CAMK1D: variants seen among roughly 807,000 people sequenced by gnomAD.
The protein encoded by CAMK1D is calcium/calmodulin-dependent protein kinase type 1D.
A neutral mutation model predicts 47.7 loss-of-function variants in CAMK1D; 9 were observed. The observed-to-expected ratio is 0.19, with a 90% confidence interval of 0.11 to 0.33. The LOEUF is 0.33. Among genes scored for constraint, CAMK1D ranks in the 10% least tolerant of loss-of-function variants. The pLI, the probability that CAMK1D is intolerant of heterozygous loss-of-function variation, is 1.00. For missense variants in CAMK1D, 291 were observed against 488.7 expected (o/e 0.60, Z 3.81); for synonymous variants, 184 against 184.9 (o/e 0.99, Z 0.04).
At chr10:12,782,025 T>G (rs765132160) in intron 5 of CAMK1D, among the ~76,000 whole-genome samples, 1 of 151,202 alleles carries the variant, frequency 6.6e-6, no homozygotes, top group Non-Finnish European at 1.5e-5. Flanking sequence ...GGCAATTCAT[T>G]CCTCATGAAT....
rs74455406 is a variant in CAMK1D at position 12,503,063 on chromosome 10, C to T, written c.93-50162C>T. On this transcript the variant is annotated intron_variant, in intron 1 of 10. Transcript: ENST00000619168. The stretch of plus-strand genomic sequence containing the variant: ...GTGCATGTGTGTATACTTGTGTATA[C>T]GTGTATGTATATGTGCATACATGTG... Among the ~76,000 whole-genome samples the T allele has an allele frequency of 9.7e-3, 1,475 of 152,172 alleles. 28 individuals carry two copies. Among genetic ancestry groups the T allele is most frequent in the East Asian group, 0.034 (178 of 5,172 alleles).
At chr10:12,510,001 T>C (rs1179196408) in intron 1 of CAMK1D, among the ~76,000 whole-genome samples, 1 of 152,228 alleles carries the variant, frequency 6.6e-6, no homozygotes, top group Non-Finnish European at 1.5e-5. Flanking sequence ...TTACCTGCTT[T>C]TATTACTGTA....
chr10:12,558,261 A>G lies in CAMK1D; in HGVS notation c.224+4905A>G, dbSNP rs562349572. 2.0e-5 allele frequency among the ~76,000 whole-genome samples: 3 copies of G among 152,350 alleles called. No individual in the cohort carries two copies. In the South Asian group the frequency reaches 6.2e-4, roughly 32 times the overall value. ...TCGAGGGCAGGCACTGCTGACATCT[A>G]ATTTCAAAACTTGACCGGCACGGTG... On this transcript the variant is annotated intron_variant, in intron 2 of 10. Coordinates refer to ENST00000619168, the MANE Select transcript of CAMK1D (RefSeq NM_153498.4).
chr10:12,651,609 C>G lies in CAMK1D; in HGVS notation c.225-15127C>G, dbSNP rs1839967428. ...GAGAGACGGGATTTCACCGTGTTGT[C>G]CAGGCTGGTCTCAAACTCCTGGGTT... is the stretch of plus-strand genomic sequence containing the variant. On this transcript the variant is annotated intron_variant, in intron 2 of 10. Transcript: ENST00000619168. Among the ~76,000 whole-genome samples the G allele has an allele frequency of 1.3e-5, 2 of 151,726 alleles. 1 individual carries two copies. Among genetic ancestry groups the G allele is most frequent in the South Asian group, 4.2e-4 (2 of 4,814 alleles).
At chr10:12,748,401 C>T (rs991702221) in intron 3 of CAMK1D, among the ~76,000 whole-genome samples, 2 of 152,088 alleles carry the variant, frequency 1.3e-5, no homozygotes, top group African/African-American at 2.4e-5. Context: ...GGAGGGATGC[C>T]GAGGGTCTGG....
At chr10:12,597,136 C>G (rs76565249) in intron 2 of CAMK1D, among the ~76,000 whole-genome samples, 2,274 of 152,182 alleles carry the variant, frequency 0.015, 42 homozygotes, top group Middle Eastern at 0.054. Context: ...AAGCTTAGCA[C>G]TTCTTGCCTC....
At chr10:12,818,460 T>A (rs528974060) in intron 8 of CAMK1D, among the ~76,000 whole-genome samples, 2 of 152,158 alleles carry the variant, frequency 1.3e-5, no homozygotes, top group African/African-American at 4.8e-5. Flanking sequence ...CACTTGAGGT[T>A]AGGAGTTCGA....
intron 1 of CAMK1D, among the ~76,000 whole-genome samples, chr10:12,494,757 T>C (rs1834487298): frequency 6.6e-6 from 1 of 151,986 alleles, no homozygotes; most frequent in Non-Finnish European, 1.5e-5. Context: ...TTAGTAGAGA[T>C]GGGGTTTTTC....
At chr10:12,466,637 G>A (rs1214253381) in intron 1 of CAMK1D, among the ~76,000 whole-genome samples, 1 of 151,172 alleles carries the variant, frequency 6.6e-6, no homozygotes, top group African/African-American at 2.4e-5. Flanking sequence ...CCTAGGGGGA[G>A]GTGTTATTTG....
intron 5 of CAMK1D, among the ~76,000 whole-genome samples, chr10:12,785,762 C>A (rs1310210229): frequency 6.6e-6 from 1 of 152,152 alleles, no homozygotes; most frequent in Non-Finnish European, 1.5e-5. Flanking sequence ...GGAAAACTGG[C>A]GTCTGACAAG....
At position 12,828,993 on chromosome 10, in the gene CAMK1D, TC is replaced by T; in HGVS notation, c.*108del. 1.3e-6 allele frequency: 1 copy of T among 757,422 alleles called. No homozygotes were observed. The highest frequency in any genetic ancestry group is 2.7e-5 in the East Asian group (1 of 36,396). The allele number at this position is 757,422 out of a possible 1,614,324, so 46.9% of individuals were successfully genotyped here. On this transcript the variant is annotated 3_prime_UTR_variant, in exon 11 of 11. Transcript: ENST00000619168. ...AGACCCCACCTTGCATGGTGCCCCT[TC>T]CTGCATAGGACTGGAAGACCGAAGT...
At chr10:12,614,536 CAG>C (rs1178744245) in intron 2 of CAMK1D, among the ~76,000 whole-genome samples, 1 of 152,204 alleles carries the variant, frequency 6.6e-6, no homozygotes, top group Non-Finnish European at 1.5e-5. Flanking sequence ...GTTGAATACA[CAG>C]AAATATGTGC....
intron 1 of CAMK1D, among the ~76,000 whole-genome samples, chr10:12,466,544 C>T (rs1408501215): frequency 1.3e-5 from 2 of 151,172 alleles, no homozygotes; most frequent in Non-Finnish European, 2.9e-5. Context: ...ATGATCACAC[C>T]ACTACACTCC....
intron 1 of CAMK1D, among the ~76,000 whole-genome samples, chr10:12,551,557 CCAGCCTGGGAAA>C (rs1258978053): frequency 1.3e-5 from 2 of 152,076 alleles, no homozygotes; most frequent in East Asian, 3.9e-4. Context: ...GACTTCGAGA[CCAGCCTGGGAAA>C]CATGGTGAAA....
rs1475979024 is a variant in CAMK1D, at chr10:12,442,517, G to A, written c.92+92607G>A. On this transcript the variant is annotated intron_variant, in intron 1 of 10. Transcript: ENST00000619168. ...AACAAAAAAACTTTGATTTCTCTTAGACGTTATATGGAAATGGAATTTTAT... is the reference window on the plus strand; with the variant it reads ...AACAAAAAAACTTTGATTTCTCTTAAACGTTATATGGAAATGGAATTTTAT... Among the ~76,000 whole-genome samples, 5 of 152,240 alleles carry A rather than the reference G, an allele frequency of 3.3e-5. No individual in the cohort carries two copies. The East Asian group carries it at 5.8e-4, about 18-fold the overall frequency.
intron 5 of CAMK1D, among the ~76,000 whole-genome samples, chr10:12,788,337 G>A (rs966782236): frequency 1.3e-5 from 2 of 152,176 alleles, no homozygotes; most frequent in Non-Finnish European, 2.9e-5. Flanking sequence ...TGAGCTCCCA[G>A]CACCTCTGTG....
chr10:12,829,120 A>G lies in CAMK1D; in HGVS notation c.*233A>G. On this transcript the variant is annotated 3_prime_UTR_variant, in exon 11 of 11. Coordinates refer to ENST00000619168, the MANE Select transcript of CAMK1D (RefSeq NM_153498.4). ...GATTTCATAGGATCTGGTGCTGTAT[A>G]TACGAATCTTGCAAAGCTCTAACTG... The G allele has an allele frequency of 2.2e-6, 1 of 456,868 alleles. No homozygotes were observed. Among genetic ancestry groups the G allele is most frequent in the Non-Finnish European group, 3.9e-6 (1 of 258,990 alleles). 28.3% of individuals were successfully genotyped at this position (456,868 alleles called of 1,614,324 possible). A position where few individuals can be genotyped will look rare whatever the true frequency, so the allele number is the denominator to read the frequency against.
intron 3 of CAMK1D, among the ~76,000 whole-genome samples, chr10:12,733,093 G>A (rs762582347): frequency 6.6e-6 from 1 of 152,228 alleles, no homozygotes; most frequent in Admixed American, 6.5e-5. Flanking sequence ...GCGAGACCCT[G>A]TGCCTCCAGT....
intron 1 of CAMK1D, among the ~76,000 whole-genome samples, chr10:12,442,053 C>A (rs1459683795): frequency 3.3e-5 from 5 of 152,150 alleles, no homozygotes; most frequent in Non-Finnish European, 7.4e-5. Flanking sequence ...AAGACAATCT[C>A]TTTGATGGTA....
Sources: allele counts gnomAD v4.1 joint callset (sites outside exome capture counted in the v4.1 genomes callset), GRCh38; gene constraint gnomAD v4.1.1; transcripts MANE v1.5; gene names NCBI Gene and HGNC (gene_info 2026-07-23, HGNC 2026-07-21).